Variants in NIPSNAP2 observed in about 807,000 individuals in gnomAD.
The protein encoded by NIPSNAP2 is protein NipSnap homolog 2.
NIPSNAP2 carries 42 observed loss-of-function variants against 48.4 expected under a neutral mutation model. The observed-to-expected ratio is 0.87, with a 90% CI of 0.68 to 1.12. NIPSNAP2 has a LOEUF of 1.12. Ranked by LOEUF, NIPSNAP2 falls within the 50% of genes most tolerant of loss-of-function variation. NIPSNAP2 has a pLI of 0.00. For synonymous variants in NIPSNAP2, 158 were observed against 126.6 expected (o/e 1.25, Z -1.67); for missense variants, 314 against 347.3 (o/e 0.90, Z 0.76).
chr7:55,993,626 A>C (rs1232278497), intron 7 of NIPSNAP2, among the ~76,000 whole-genome samples: 1 of 151,192 alleles, frequency 6.6e-6, no homozygotes, highest in African/African-American at 2.4e-5. Context: ...CATAACCCCA[A>C]CTACTCAGGA....
At chr7:55,998,110 G>A (rs1346160361) in intron 9 of NIPSNAP2, among the ~76,000 whole-genome samples, 19 of 151,948 alleles carry the variant, frequency 1.3e-4, no homozygotes, top group African/African-American at 3.9e-4. Flanking sequence ...ACCTGAGGTC[G>A]GGAGTTCGAG....
Position 55,983,628 on chromosome 7 carries a change from A to G in NIPSNAP2, c.445-100A>G. On this transcript the variant is annotated intron_variant, in intron 5 of 9. Coordinates refer to ENST00000322090, the MANE Select transcript of NIPSNAP2 (RefSeq NM_001483.3). ...GTCTCAGGCCAACTGGGACCTGTTG[A>G]TTACCCTATTATAGTATTCTGTAGG... 5.7e-6 allele frequency: 7 copies of G among 1,231,204 alleles called. No homozygotes were observed. The South Asian group carries it at 1.0e-4, about 18-fold the overall frequency. 76.3% of individuals were successfully genotyped at this position (1,231,204 alleles called of 1,614,324 possible).
chr7:55,964,782 T>A, intron 1 of NIPSNAP2, 81 bp downstream of exon 1: 1 of 691,540 alleles, frequency 1.4e-6, no homozygotes, highest in Non-Finnish European at 1.9e-6. Flanking sequence ...GGCGCCGGTC[T>A]CCGCCCCGGC....
At chr7:55,997,620 T>C (rs1027493073) in intron 9 of NIPSNAP2, among the ~76,000 whole-genome samples, 171 bp downstream of exon 9, 11 of 152,222 alleles carry the variant, frequency 7.2e-5, no homozygotes, top group African/African-American at 2.7e-4. Flanking sequence ...TACATGACTT[T>C]TTTTCAATAA....
intron 1 of NIPSNAP2, among the ~76,000 whole-genome samples, chr7:55,973,733 C>T (rs1184989434): frequency 6.6e-6 from 1 of 151,986 alleles, no homozygotes; most frequent in Non-Finnish European, 1.5e-5. Context: ...ATCCACCTGC[C>T]TCGGCCTCCC....
intron 1 of NIPSNAP2, among the ~76,000 whole-genome samples, chr7:55,969,780 G>A (rs374027845): frequency 2.6e-5 from 4 of 152,108 alleles, no homozygotes; most frequent in African/African-American, 7.2e-5. Context: ...TCAGGAGATC[G>A]AGACCATCCT....
chr7:55,999,074 G>A lies in NIPSNAP2; in HGVS notation c.*2G>A. Reference sequence around the variant, plus strand: ...CTGAAGACCTCGCCCCTCCAGTAAAGCTGTAGAGTTTCTATGTGCCTACAT... The same window carrying A: ...CTGAAGACCTCGCCCCTCCAGTAAAACTGTAGAGTTTCTATGTGCCTACAT... On this transcript the variant is annotated 3_prime_UTR_variant, in exon 10 of 10. Transcript: ENST00000322090. 1.9e-6 allele frequency: 3 copies of A among 1,610,684 alleles called. No homozygotes were observed. Among genetic ancestry groups the A allele is most frequent in the Non-Finnish European group, 2.5e-6 (3 of 1,177,086 alleles).
intron 7 of NIPSNAP2, among the ~76,000 whole-genome samples, chr7:55,988,395 C>G (rs1787374234): frequency 6.6e-6 from 1 of 152,042 alleles, no homozygotes; most frequent in Non-Finnish European, 1.5e-5. Context: ...TATGGAAATG[C>G]AAAGTGAAAC....
intron 1 of NIPSNAP2, among the ~76,000 whole-genome samples, chr7:55,975,938 G>A (rs535429306): frequency 6.6e-6 from 1 of 152,334 alleles, no homozygotes; most frequent in East Asian, 1.9e-4. Flanking sequence ...TCAGGAGGCT[G>A]AGGCGGGAGA....
chr7:55,995,490 A>G (rs1004270662), intron 8 of NIPSNAP2, among the ~76,000 whole-genome samples: 2 of 152,128 alleles, frequency 1.3e-5, no homozygotes, highest in Non-Finnish European at 2.9e-5. Flanking sequence ...GGCCTGCCCC[A>G]GATGTCACCC....
intron 1 of NIPSNAP2, among the ~76,000 whole-genome samples, chr7:55,976,204 G>A (rs986022244): frequency 6.6e-6 from 1 of 152,208 alleles, no homozygotes; most frequent in Non-Finnish European, 1.5e-5. Flanking sequence ...ATATAGTGCT[G>A]TTCTGTGCCG....
intron 7 of NIPSNAP2, among the ~76,000 whole-genome samples, chr7:55,987,755 C>T (rs1201721964): frequency 6.6e-6 from 1 of 151,988 alleles, no homozygotes; most frequent in Non-Finnish European, 1.5e-5. Context: ...TCCAGTGTTG[C>T]CAAAATCATA....
At chr7:55,982,618 G>A (rs1437939645) in intron 5 of NIPSNAP2, among the ~76,000 whole-genome samples, 1 of 151,906 alleles carries the variant, frequency 6.6e-6, no homozygotes, top group Non-Finnish European at 1.5e-5. Flanking sequence ...CGGGCTTGGT[G>A]GCAGGCACCT....
At position 55,985,845 on chromosome 7, in the gene NIPSNAP2, C is replaced by T. The variant is rs528414584; in HGVS notation, c.617+967C>T. On this transcript the variant is annotated intron_variant, in intron 7 of 9. Coordinates refer to ENST00000322090, the MANE Select transcript of NIPSNAP2 (RefSeq NM_001483.3). Reference sequence around the variant, plus strand: ...GGCAGATCACCTGAAGTTAGGAGTTCGAGACCAGCCTCGCTAACATGGCAA... The same window carrying T: ...GGCAGATCACCTGAAGTTAGGAGTTTGAGACCAGCCTCGCTAACATGGCAA... Among the ~76,000 whole-genome samples, 13 of 149,180 alleles carry T rather than the reference C, an allele frequency of 8.7e-5. No homozygotes were observed. In the East Asian group the frequency reaches 1.6e-3, roughly 19 times the overall value.
At chr7:55,993,575 T>TAAA (rs11317055) in intron 7 of NIPSNAP2, among the ~76,000 whole-genome samples, 6 of 121,060 alleles carry the variant, frequency 5.0e-5, no homozygotes, top group African/African-American at 1.6e-4. Flanking sequence ...AGACTCCATC[T>TAAA]AAAAAAAAAA....
intron 7 of NIPSNAP2, among the ~76,000 whole-genome samples, chr7:55,989,579 C>G (rs1333627109): frequency 6.6e-6 from 1 of 152,026 alleles, no homozygotes; most frequent in Admixed American, 6.6e-5. Flanking sequence ...AAGCCATGAT[C>G]ATGCCATTCC....
intron 3 of NIPSNAP2, 103 bp downstream of exon 3, chr7:55,978,498 C>G (rs750747990): frequency 2.7e-5 from 29 of 1,059,400 alleles, no homozygotes; most frequent in Non-Finnish European, 3.8e-5. Flanking sequence ...TTTCATCCCT[C>G]TCTTTTGAAG....
chr7:55,983,685 TA>T (rs773281845), intron 5 of NIPSNAP2, 42 bp from the exon 6 acceptor site: 1 of 1,603,222 alleles, frequency 6.2e-7, no homozygotes, highest in South Asian at 1.1e-5. Flanking sequence ...GGCTTATATG[TA>T]AGTATCAGAA....
intron 5 of NIPSNAP2, 55 bp downstream of exon 5, chr7:55,982,335 G>C: frequency 9.9e-7 from 1 of 1,013,716 alleles, no homozygotes; most frequent in South Asian, 1.4e-5. Flanking sequence ...TGTTAGTACA[G>C]AATTAAATGA....
Sources: allele counts gnomAD v4.1 joint callset (sites outside exome capture counted in the v4.1 genomes callset), GRCh38; gene constraint gnomAD v4.1.1; transcripts MANE v1.5; gene names NCBI Gene and HGNC (gene_info 2026-07-23, HGNC 2026-07-21).